HS2ST1: variants seen among roughly 807,000 people sequenced by gnomAD.
HS2ST1 encodes heparan sulfate 2-O-sulfotransferase 1, also known as 2-O-sulfotransferase.
A neutral mutation model predicts 42.9 loss-of-function variants in HS2ST1; 18 were observed. The observed-to-expected ratio is 0.42, with a 90% confidence interval of 0.29 to 0.62. The LOEUF is 0.62. Among genes scored for constraint, HS2ST1 ranks in the 20% least tolerant of loss-of-function variants. HS2ST1 has a pLI of 0.21. For missense variants in HS2ST1, 334 were observed against 433.8 expected, an observed-to-expected ratio of 0.77 and a Z score of 2.04; for synonymous variants, 146 against 152.9, an observed-to-expected ratio of 0.95 and a Z score of 0.33.
chr1:86,990,062 T>C (rs968975606), intron 1 of HS2ST1, among the ~76,000 whole-genome samples: 4 of 152,112 alleles, frequency 2.6e-5, no homozygotes, highest in African/African-American at 9.7e-5. Flanking sequence ...GAATGAATTA[T>C]AATCCTTTGA....
chr1:86,990,586 C>G (rs1648913023), intron 1 of HS2ST1, among the ~76,000 whole-genome samples: 1 of 151,332 alleles, frequency 6.6e-6, no homozygotes, highest in Non-Finnish European at 1.5e-5. Flanking sequence ...TTTGTTTGAC[C>G]CAGTCAGATA....
At chr1:86,949,545 G>A (rs1330698329) in intron 1 of HS2ST1, among the ~76,000 whole-genome samples, 1 of 152,284 alleles carries the variant, frequency 6.6e-6, no homozygotes, top group East Asian at 1.9e-4. Context: ...ACTCCACCCT[G>A]GGTGACAGAG....
At chr1:86,967,437 C>T (rs181444587) in intron 1 of HS2ST1, among the ~76,000 whole-genome samples, 12 of 152,182 alleles carry the variant, frequency 7.9e-5, no homozygotes, top group Middle Eastern at 3.4e-3. Context: ...GTCTTTTATT[C>T]CACATTCCCC....
At chr1:87,069,949 A>G (rs1050829426) in intron 1 of HS2ST1, among the ~76,000 whole-genome samples, 5 of 152,224 alleles carry the variant, frequency 3.3e-5, no homozygotes, top group Admixed American at 2.0e-4. Flanking sequence ...CATGTTTTTT[A>G]TAGATAAAAT....
intron 1 of HS2ST1, among the ~76,000 whole-genome samples, chr1:86,935,455 CTTTTTT>C (rs552713297): frequency 4.8e-5 from 3 of 62,062 alleles, no homozygotes; most frequent in East Asian, 7.3e-4. Flanking sequence ...TCTTTTTCTC[CTTTTTT>C]TTTTTTTTTT....
chr1:86,971,633 A>C (rs1317819389), intron 1 of HS2ST1, among the ~76,000 whole-genome samples: 1 of 152,182 alleles, frequency 6.6e-6, no homozygotes, highest in Non-Finnish European at 1.5e-5. Flanking sequence ...TTCACAGCAG[A>C]AAGTTTTGTT....
chr1:86,973,671 T>C (rs1648304879), intron 1 of HS2ST1, among the ~76,000 whole-genome samples: 1 of 152,174 alleles, frequency 6.6e-6, no homozygotes, highest in Non-Finnish European at 1.5e-5. Flanking sequence ...GGAAATATCT[T>C]CTATCTTAAT....
chr1:87,094,275 C>T (rs904313161), intron 4 of HS2ST1, among the ~76,000 whole-genome samples: 3 of 151,856 alleles, frequency 2.0e-5, no homozygotes, highest in Non-Finnish European at 4.4e-5. Context: ...TCATTGTCAG[C>T]CCTGGATAGC....
chr1:86,964,911 G>A (rs1047544353), intron 1 of HS2ST1, among the ~76,000 whole-genome samples: 1 of 152,084 alleles, frequency 6.6e-6, no homozygotes. Context: ...ATGATGTCCC[G>A]TGTGCTTAGA....
At chr1:86,945,733 GA>G (rs1298320818) in intron 1 of HS2ST1, among the ~76,000 whole-genome samples, 1 of 152,132 alleles carries the variant, frequency 6.6e-6, no homozygotes, top group African/African-American at 2.4e-5. Flanking sequence ...ACAGGAATAT[GA>G]ACTGATGGCC....
intron 1 of HS2ST1, among the ~76,000 whole-genome samples, chr1:87,068,840 G>T (rs1417453655): frequency 6.6e-6 from 1 of 152,114 alleles, no homozygotes; most frequent in South Asian, 2.1e-4. Context: ...TAGAAAATAT[G>T]TATTTTTTAT....
intron 1 of HS2ST1, among the ~76,000 whole-genome samples, chr1:86,951,558 C>T (rs998294881): frequency 3.1e-4 from 47 of 152,264 alleles, no homozygotes; most frequent in African/African-American, 1.1e-3. Context: ...TGCTAACAAT[C>T]ATCTGAGTCT....
At chr1:87,002,429 C>A (rs971475464) in intron 1 of HS2ST1, among the ~76,000 whole-genome samples, 34 of 151,818 alleles carry the variant, frequency 2.2e-4, no homozygotes, top group African/African-American at 8.0e-4. Flanking sequence ...CCTGTCTTTA[C>A]AAAAATTACA....
chr1:87,079,269 C>G (rs557152401), intron 2 of HS2ST1, among the ~76,000 whole-genome samples: 1 of 152,170 alleles, frequency 6.6e-6, no homozygotes, highest in East Asian at 1.9e-4. Flanking sequence ...TCCCGTGTAG[C>G]TAGGATTACA....
rs575046852 is a variant in HS2ST1, at chr1:86,925,912, G to A, written c.124+10752G>A. Among the ~76,000 whole-genome samples, 6 of 152,052 alleles carry A rather than the reference G, an allele frequency of 3.9e-5. No homozygotes were observed. The South Asian group carries it at 8.3e-4, about 21-fold the overall frequency. ...TTATGGGCCATATTTTCTTCTTTAC[G>A]TGTCTGGTAATTTTTAACTGGATGG... On this transcript the variant is annotated intron_variant, in intron 1 of 6. Coordinates refer to ENST00000370550, the MANE Select transcript of HS2ST1 (RefSeq NM_012262.4).
chr1:87,081,448 T>C lies in HS2ST1; in HGVS notation c.364-2746T>C, dbSNP rs533750733. Among the ~76,000 whole-genome samples, 40 of 152,264 alleles carry C rather than the reference T, an allele frequency of 2.6e-4. No individual in the cohort carries two copies. The South Asian group carries it at 8.3e-3, about 32-fold the overall frequency. On this transcript the variant is annotated intron_variant, in intron 2 of 6. Coordinates refer to ENST00000370550, the MANE Select transcript of HS2ST1 (RefSeq NM_012262.4). ...AACGTGCTCCTGAGTGACCAGTGGG[T>C]CAATAAATTAAGAAGGAAATTTAAC...
At chr1:87,017,375 G>A (rs1649790561) in intron 1 of HS2ST1, among the ~76,000 whole-genome samples, 1 of 152,146 alleles carries the variant, frequency 6.6e-6, no homozygotes, top group Admixed American at 6.6e-5. Context: ...GACCTCAGGT[G>A]ATCTGCCTGC....
intron 1 of HS2ST1, among the ~76,000 whole-genome samples, chr1:86,950,136 C>G (rs1647462599): frequency 6.6e-6 from 1 of 152,214 alleles, no homozygotes; most frequent in Non-Finnish European, 1.5e-5. Flanking sequence ...TCTAACTTAA[C>G]ATCAACATTA....
intron 1 of HS2ST1, among the ~76,000 whole-genome samples, chr1:87,036,241 T>G (rs991069278): frequency 6.6e-6 from 1 of 152,150 alleles, no homozygotes; most frequent in Non-Finnish European, 1.5e-5. Context: ...TTTGCTATTG[T>G]GAGCAGTGCT....
Sources: allele counts gnomAD v4.1 joint callset (sites outside exome capture counted in the v4.1 genomes callset), GRCh38; gene constraint gnomAD v4.1.1; transcripts MANE v1.5; gene names NCBI Gene and HGNC (gene_info 2026-07-23, HGNC 2026-07-21).